The following SLC5A4 variants were observed in gnomAD, a reference collection of about 807,000 sequenced individuals.
The protein encoded by SLC5A4 is probable glucose sensor protein SLC5A4.
In SLC5A4, 55 loss-of-function variants were observed where a neutral mutation model predicts 70.3. The ratio of observed to expected loss-of-function variants is 0.78; its 90% CI spans 0.63 to 0.98. The LOEUF (loss-of-function observed/expected upper bound fraction) is 0.98. Ranked by LOEUF, SLC5A4 falls within the 50% of genes least tolerant of loss-of-function variation. SLC5A4 has a pLI of 0.00. For synonymous variants in SLC5A4, 268 were observed against 305.7 expected (o/e 0.88, Z 1.29); for missense variants, 735 against 839.2 (o/e 0.88, Z 1.53).
chr22:32,263,659 GA>G, the SLC5A4 span, among the ~76,000 whole-genome samples: 1 of 152,180 alleles, frequency 6.6e-6, no homozygotes, highest in Non-Finnish European at 1.5e-5. Flanking sequence ...CAAGGATCTA[GA>G]ACCAGAAATA....
At chr22:32,272,917 C>T in the SLC5A4 span, 22,436 of 526,332 alleles carry the variant, frequency 0.043, 1,073 homozygotes, top group Admixed American at 0.17. Flanking sequence ...CCTCAACCTC[C>T]GCACCTTCCG....
chr22:32,219,096 C>G (rs944560973), intron 14 of SLC5A4, among the ~76,000 whole-genome samples: 1 of 152,282 alleles, frequency 6.6e-6, no homozygotes, highest in Admixed American at 6.5e-5. Context: ...ACACATGGTT[C>G]TCAAGCTCAC....
chr22:32,307,547 G>A, the SLC5A4 span, among the ~76,000 whole-genome samples: 1 of 152,162 alleles, frequency 6.6e-6, no homozygotes, highest in Non-Finnish European at 1.5e-5. Flanking sequence ...GGTGAGGGAA[G>A]TCCATGTCAT....
At chr22:32,269,697 G>T in the SLC5A4 span, 2 of 607,572 alleles carry the variant, frequency 3.3e-6, no homozygotes, top group Non-Finnish European at 6.4e-6. This position sits in a 1 kb window ranked among gnomAD's most constrained non-coding sequence, Gnocchi z 4.1. Context: ...TCCCCCGTAC[G>T]GTGTGGCTCT....
the SLC5A4 span, among the ~76,000 whole-genome samples, chr22:32,307,958 C>A: frequency 8.6e-5 from 13 of 151,368 alleles, no homozygotes; most frequent in Non-Finnish European, 1.6e-4. Flanking sequence ...TAGATTTTCA[C>A]GGCAGACAAA....
chr22:32,289,245 T>C, the SLC5A4 span, among the ~76,000 whole-genome samples: 1 of 152,184 alleles, frequency 6.6e-6, no homozygotes, highest in African/African-American at 2.4e-5. Flanking sequence ...AAAGAAAAAA[T>C]GTTAATTCTC....
the SLC5A4 span, among the ~76,000 whole-genome samples, chr22:32,351,110 A>G: frequency 6.6e-5 from 10 of 152,172 alleles, no homozygotes; most frequent in African/African-American, 2.2e-4. Context: ...TGCAGATGAC[A>G]ATACTCTCAG....
the SLC5A4 span, among the ~76,000 whole-genome samples, chr22:32,277,828 G>A: frequency 3.2e-4 from 48 of 152,190 alleles, no homozygotes; most frequent in African/African-American, 1.1e-3. Flanking sequence ...GATTACAGGC[G>A]TGAGCCACCG....
At chr22:32,306,119 G>C in the SLC5A4 span, among the ~76,000 whole-genome samples, 2 of 152,132 alleles carry the variant, frequency 1.3e-5, no homozygotes, top group Non-Finnish European at 2.9e-5. Context: ...TCAATCTAGG[G>C]AACAGTTGAC....
At chr22:32,262,071 G>A in the SLC5A4 span, among the ~76,000 whole-genome samples, 5 of 152,214 alleles carry the variant, frequency 3.3e-5, no homozygotes, top group South Asian at 8.3e-4. Flanking sequence ...CCATTCATTC[G>A]TTGATGGACA....
At chr22:32,313,859 G>A in the SLC5A4 span, among the ~76,000 whole-genome samples, 1 of 152,178 alleles carries the variant, frequency 6.6e-6, no homozygotes, top group Non-Finnish European at 1.5e-5. Context: ...GAGAATGAAG[G>A]ATGCTCACTA....
intron 9 of SLC5A4, among the ~76,000 whole-genome samples, chr22:32,232,371 G>A (rs557711668): frequency 2.6e-5 from 4 of 152,210 alleles, no homozygotes; most frequent in Admixed American, 6.5e-5. Context: ...TTCACTTTTC[G>A]TAATAAAGAA....
chr22:32,288,005 ATTTC>A, the SLC5A4 span, among the ~76,000 whole-genome samples: 40,543 of 146,010 alleles, frequency 0.28, 5,472 homozygotes, highest in African/African-American at 0.32. Flanking sequence ...AAGACCCTCA[ATTTC>A]TTTCTTTCTT....
At chr22:32,317,719 G>A in the SLC5A4 span, among the ~76,000 whole-genome samples, 1 of 152,138 alleles carries the variant, frequency 6.6e-6, no homozygotes, top group African/African-American at 2.4e-5. Flanking sequence ...CCCTGCCTTG[G>A]CCTCCCAAAA....
At chr22:32,339,904 C>A in the SLC5A4 span, among the ~76,000 whole-genome samples, 2 of 152,192 alleles carry the variant, frequency 1.3e-5, no homozygotes, top group African/African-American at 4.8e-5. Context: ...TTTCGGGGAC[C>A]CCCGAGGTTC....
At chr22:32,267,177 A>G in the SLC5A4 span, among the ~76,000 whole-genome samples, 1 of 152,232 alleles carries the variant, frequency 6.6e-6, no homozygotes, top group African/African-American at 2.4e-5. Flanking sequence ...ATTAACTGTG[A>G]AAACCCTTTA....
At chr22:32,240,439 A>G (rs200696875) in intron 5 of SLC5A4, among the ~76,000 whole-genome samples, 9 of 65,234 alleles carry the variant, frequency 1.4e-4, no homozygotes, top group East Asian at 8.4e-4. Flanking sequence ...ATATGTGTGT[A>G]TATATATATA....
rs1173210993 is a variant in SLC5A4 at position 32,239,518 on chromosome 22, TTATATATATATATATATATATATATA to T, written c.478-454_478-429del. The stretch of plus-strand genomic sequence containing the variant: ...CTGCACTCCAGCCTGGGAGTGCATA[TTATATATATATATATATATATATATA>T]TATATATATATATATATATATATAT... On this transcript the variant is annotated intron_variant, in intron 5 of 14. Coordinates refer to ENST00000266086, the MANE Select transcript of SLC5A4 (RefSeq NM_014227.3). 1.9e-3 allele frequency among the ~76,000 whole-genome samples: 48 copies of T among 25,228 alleles called. 2 individuals are homozygous for T. The South Asian group carries it at 0.049, about 26-fold the overall frequency. The allele number at this position is 25,228 out of a possible 152,430, so 16.6% of individuals were successfully genotyped here.
At chr22:32,237,417 G>T in intron 6 of SLC5A4, 93 bp from the exon 7 acceptor site, 1 of 805,518 alleles carries the variant, frequency 1.2e-6, no homozygotes, top group Non-Finnish European at 1.9e-6. Flanking sequence ...CACAACCCTG[G>T]AAATGACCCA....
Sources: allele counts gnomAD v4.1 joint callset (sites outside exome capture counted in the v4.1 genomes callset), GRCh38; gene constraint gnomAD v4.1.1; non-coding constraint Gnocchi (gnomAD v3.1); transcripts MANE v1.5; gene names NCBI Gene and HGNC (gene_info 2026-07-23, HGNC 2026-07-21).